CSPP1: variants seen among roughly 807,000 people sequenced by gnomAD.
CSPP1 encodes centrosome and spindle pole-associated protein 1.
A neutral mutation model predicts 164.4 loss-of-function variants in CSPP1; 126 were observed. That is an observed-to-expected ratio of 0.77 (90% CI 0.66 to 0.89). The LOEUF is 0.89. Ranked by LOEUF, CSPP1 falls within the 40% of genes least tolerant of loss-of-function variation. The probability of loss-of-function intolerance (pLI) is 0.00; values close to 1 mark genes in which losing one functional copy is unlikely to be tolerated. For synonymous variants in CSPP1, 472 were observed against 476.7 expected, an observed-to-expected ratio of 0.99 and a Z score of 0.13; for missense variants, 1,395 against 1,449.8, an observed-to-expected ratio of 0.96 and a Z score of 0.61.
intron 24 of CSPP1, among the ~76,000 whole-genome samples, chr8:67,167,252 G>A (rs1036611051): frequency 3.3e-4 from 50 of 152,278 alleles, no homozygotes; most frequent in Non-Finnish European, 5.9e-4. Context: ...CCTCCCAGAC[G>A]GGGTGGCGGC....
chr8:67,186,192 G>T (rs1291480337), intron 28 of CSPP1, among the ~76,000 whole-genome samples: 1 of 152,132 alleles, frequency 6.6e-6, no homozygotes, highest in Non-Finnish European at 1.5e-5. Context: ...TTATAATGCA[G>T]AGTGAGAACT....
rs371071297 is a variant in CSPP1 at position 67,064,433 on chromosome 8, C to T, written c.-116C>T. 3.5e-5 allele frequency: 56 copies of T among 1,613,866 alleles called. No homozygotes were observed. Among genetic ancestry groups the T allele is most frequent in the Non-Finnish European group, 4.4e-5 (52 of 1,179,924 alleles). On this transcript the variant is annotated 5_prime_UTR_variant, in exon 1 of 31. Coordinates refer to ENST00000678616, the MANE Select transcript of CSPP1 (RefSeq NM_001382391.1). Reference sequence around the variant, plus strand: ...CCGCTCCAGGTGGCCGCTGTAACCTCTTCGGTCCGCGACGATCCTCTAGAG... The same window carrying T: ...CCGCTCCAGGTGGCCGCTGTAACCTTTTCGGTCCGCGACGATCCTCTAGAG...
chr8:67,139,133 C>T (rs182439088), intron 17 of CSPP1, among the ~76,000 whole-genome samples: 2,262 of 152,146 alleles, frequency 0.015, 28 homozygotes, highest in Non-Finnish European at 0.02. Flanking sequence ...CTACAATGAA[C>T]TCAAACAAAT....
At chr8:67,176,518 C>G (rs1831679531) in intron 26 of CSPP1, among the ~76,000 whole-genome samples, 2 of 152,112 alleles carry the variant, frequency 1.3e-5, no homozygotes, top group Non-Finnish European at 1.5e-5. Flanking sequence ...AAGCCTAATT[C>G]TAGGATAAGC....
intron 23 of CSPP1, among the ~76,000 whole-genome samples, 157 bp from the exon 24 acceptor site, chr8:67,164,234 G>C (rs1828896715): frequency 6.6e-6 from 1 of 152,122 alleles, no homozygotes; most frequent in African/African-American, 2.4e-5. Flanking sequence ...TCACAATTAT[G>C]ATCCATGTAT....
At chr8:67,190,820 C>A in intron 29 of CSPP1, 61 bp downstream of exon 29, 1 of 1,231,726 alleles carries the variant, frequency 8.1e-7, no homozygotes, top group East Asian at 2.3e-5. Flanking sequence ...TGGGTTCTGA[C>A]CTGTGCTAAA....
At chr8:67,076,709 A>G (rs986219234) in intron 3 of CSPP1, 128 bp downstream of exon 3, 1 of 522,686 alleles carries the variant, frequency 1.9e-6, no homozygotes, top group South Asian at 2.8e-5. Flanking sequence ...AATCTTACGT[A>G]AGTCAATATG....
Position 67,105,906 on chromosome 8 carries a change from G to A in CSPP1, c.1024G>A (p.Ala342Thr). Residue 342 changes from alanine (A) to threonine (T), a missense_variant and splice_region_variant, in exon 9 of 31, where the codon GCT becomes ACT. Transcript: ENST00000678616. ...IRISSAENKS[A>T]PDNETSKSAN... ...TTTTCTCTGTCTTTTTTTCTTTAGTGCTCCAGACAATGAAACATCCAAATC... is the reference window on the plus strand; with the variant it reads ...TTTTCTCTGTCTTTTTTTCTTTAGTACTCCAGACAATGAAACATCCAAATC... 3 of 1,542,448 alleles carry A rather than the reference G, an allele frequency of 1.9e-6. No individual in the cohort carries two copies. Among genetic ancestry groups the A allele is most frequent in the Non-Finnish European group, 2.7e-6 (3 of 1,115,868 alleles).
chr8:67,150,025 G>T, intron 18 of CSPP1, 90 bp downstream of exon 18: 1 of 1,303,886 alleles, frequency 7.7e-7, no homozygotes. Context: ...GTTCTTATTG[G>T]GATCTTGAGA....
At chr8:67,077,335 A>AT (rs891937068) in intron 3 of CSPP1, among the ~76,000 whole-genome samples, 172 of 135,362 alleles carry the variant, frequency 1.3e-3, no homozygotes, top group Admixed American at 1.8e-3. Flanking sequence ...AATATATATA[A>AT]TTTTTTTTTT....
intron 17 of CSPP1, among the ~76,000 whole-genome samples, chr8:67,148,726 T>C (rs949805048): frequency 6.6e-6 from 1 of 152,246 alleles, no homozygotes; most frequent in African/African-American, 2.4e-5. Context: ...CTTTCAGTGC[T>C]GCCATACTGT....
At chr8:67,159,506 A>ATTTTT (rs1554604753) in intron 21 of CSPP1, among the ~76,000 whole-genome samples, 2 of 68,900 alleles carry the variant, frequency 2.9e-5, no homozygotes, top group Non-Finnish European at 6.0e-5. Flanking sequence ...ATATATATGT[A>ATTTTT]TTCTTTTTTT....
chr8:67,074,482 C>A, intron 2 of CSPP1, 131 bp downstream of exon 2: 1 of 535,082 alleles, frequency 1.9e-6, no homozygotes, highest in Non-Finnish European at 3.3e-6. Context: ...ATTCTAGGAG[C>A]CTGACTCCAG....
intron 14 of CSPP1, 64 bp downstream of exon 14, chr8:67,118,433 G>C (rs1333534959): frequency 1.0e-5 from 16 of 1,535,816 alleles, no homozygotes; most frequent in Admixed American, 5.2e-5. Context: ...TTGTTTTTTT[G>C]TGTAAACAAA....
At chr8:67,141,597 C>A (rs1334177334) in intron 17 of CSPP1, among the ~76,000 whole-genome samples, 1 of 152,224 alleles carries the variant, frequency 6.6e-6, no homozygotes, top group Non-Finnish European at 1.5e-5. Flanking sequence ...TCTCAGTTCA[C>A]TGCAACCTCT....
At position 67,071,986 on chromosome 8, in the gene CSPP1, G is replaced by A. The variant is rs572876559; in HGVS notation, c.-10-2257G>A. 3.9e-5 allele frequency among the ~76,000 whole-genome samples: 6 copies of A among 152,250 alleles called. No homozygotes were observed. In the East Asian group the frequency reaches 9.6e-4, roughly 24 times the overall value. On this transcript the variant is annotated intron_variant, in intron 1 of 30. Transcript: ENST00000678616. ...GAAAATATTTGTGATCTTGGGTTAG[G>A]CAAAGATTTTTTTTAGCTGGGCGTG...
intron 28 of CSPP1, among the ~76,000 whole-genome samples, chr8:67,183,124 G>T (rs1215254787): frequency 1.3e-5 from 2 of 152,154 alleles, no homozygotes; most frequent in African/African-American, 4.8e-5. Flanking sequence ...TTAATGTTTA[G>T]ATGCCTAACC....
Position 67,118,310 on chromosome 8 carries a change from A to T in CSPP1, c.1559A>T (p.Tyr520Phe). 1.9e-6 allele frequency: 3 copies of T among 1,613,468 alleles called. No homozygotes were observed. Among genetic ancestry groups the T allele is most frequent in the South Asian group, 1.1e-5 (1 of 91,060 alleles). Residue 520 changes from tyrosine to phenylalanine, a missense_variant, in exon 14 of 31, where the codon TAT (tyrosine) becomes TTT (phenylalanine). Transcript: ENST00000678616. Reference protein sequence around the residue: ...PPLATNYRTPYDDAYYFYGSR... With the variant: ...PPLATNYRTPFDDAYYFYGSR... ...TTGGCTACTAACTATCGAACTCCTT[A>T]TGATGATGCATACTATTTTTATGGG...
intron 16 of CSPP1, chr8:67,134,090 C>T (rs1821763479): frequency 6.6e-6 from 1 of 152,228 alleles, no homozygotes; most frequent in South Asian, 2.1e-4. Context: ...GGGTCAACTT[C>T]TTTCAAACTT....
Sources: allele counts gnomAD v4.1 joint callset (sites outside exome capture counted in the v4.1 genomes callset), GRCh38; gene constraint gnomAD v4.1.1; transcripts MANE v1.5; gene names NCBI Gene and HGNC (gene_info 2026-07-23, HGNC 2026-07-21).